The following MAP2K2 variants were observed in gnomAD, a reference collection of about 807,000 sequenced individuals.
MAP2K2 encodes the protein mitogen-activated protein kinase kinase 2.
In MAP2K2, 24 loss-of-function variants were observed where a neutral mutation model predicts 43.7. That is an observed-to-expected ratio of 0.55 (90% CI 0.40 to 0.77). The LOEUF is 0.77. Among genes scored for constraint, MAP2K2 ranks in the 30% least tolerant of loss-of-function variants. The probability of loss-of-function intolerance (pLI) is 0.00; values close to 1 mark genes in which losing one functional copy is unlikely to be tolerated. For missense variants in MAP2K2, 470 were observed against 566.8 expected (o/e 0.83, Z 1.73); for synonymous variants, 244 against 239.7 (o/e 1.02, Z -0.17).
intron 2 of MAP2K2, among the ~76,000 whole-genome samples, chr19:4,117,126 G>A (rs891076123): frequency 2.6e-5 from 4 of 152,128 alleles, no homozygotes; most frequent in African/African-American, 7.2e-5. Flanking sequence ...TAACACACTC[G>A]CATTTCTGAA....
At chr19:4,097,401 G>C in intron 7 of MAP2K2, 58 bp from the exon 8 acceptor site, 3 of 1,384,342 alleles carry the variant, frequency 2.2e-6, no homozygotes, top group Non-Finnish European at 3.1e-6. Context: ...CTTCTGCTGG[G>C]GGTTGGGCTC....
At chr19:4,105,433 T>A (rs1356982364) in intron 3 of MAP2K2, among the ~76,000 whole-genome samples, 2 of 151,992 alleles carry the variant, frequency 1.3e-5, no homozygotes, top group African/African-American at 4.8e-5. Flanking sequence ...CACACTCGGC[T>A]AATTTTTTGT....
chr19:4,112,623 C>T (rs1042582579), intron 2 of MAP2K2, among the ~76,000 whole-genome samples: 5 of 152,022 alleles, frequency 3.3e-5, no homozygotes, highest in South Asian at 2.1e-4. Context: ...TCAGGCTAAG[C>T]GTCTCCCACC....
chr19:4,091,504 C>T (rs1237104626), intron 10 of MAP2K2, among the ~76,000 whole-genome samples: 2 of 146,834 alleles, frequency 1.4e-5, no homozygotes, highest in African/African-American at 5.0e-5. Flanking sequence ...AGGCATGTGC[C>T]ACCACACCCA....
At chr19:4,117,175 G>C (rs947745239) in intron 2 of MAP2K2, among the ~76,000 whole-genome samples, 1 of 152,194 alleles carries the variant, frequency 6.6e-6, no homozygotes, top group Non-Finnish European at 1.5e-5. Flanking sequence ...TGGATTTCAA[G>C]TGCCCTCCAG....
intron 3 of MAP2K2, among the ~76,000 whole-genome samples, chr19:4,106,306 G>A (rs1487841427): frequency 6.6e-6 from 1 of 152,158 alleles, no homozygotes; most frequent in Non-Finnish European, 1.5e-5. Context: ...CTACTCGGGA[G>A]GCTGACGTGG....
Position 4,099,357 on chromosome 19 carries a change from G to A in MAP2K2, c.763C>T (p.Leu255=), listed in dbSNP as rs794727877. The A allele has an allele frequency of 6.2e-7, 1 of 1,611,920 alleles. No homozygotes were observed. The highest frequency in any genetic ancestry group is 8.5e-7 in the Non-Finnish European group (1 of 1,179,360). ...SVQSDIWSMG[L]SLVELAVGRY... ...CCGACGGCCAGCTCCACCAGGGACA[G>A]GCCCATGCTCCAGATGTCCGACTGC... Residue 255 remains leucine, a synonymous_variant, in exon 7 of 11, where the codon CTG becomes TTG. Transcript: ENST00000262948.
chr19:4,114,006 G>C (rs939319323), intron 2 of MAP2K2, among the ~76,000 whole-genome samples: 1 of 152,214 alleles, frequency 6.6e-6, no homozygotes, highest in African/African-American at 2.4e-5. Flanking sequence ...TCAAAAATTG[G>C]AAGAGAGCCG....
chr19:4,102,987 C>T (rs2041036883), intron 3 of MAP2K2: 4 of 1,073,754 alleles, frequency 3.7e-6, no homozygotes, highest in Non-Finnish European at 4.5e-6. Context: ...CCGTCCAGAC[C>T]CCCAGGGGGC....
Position 4,094,504 on chromosome 19 carries a change from G to A in MAP2K2, c.1047-6C>T, listed in dbSNP as rs774258077. 6.4e-7 allele frequency: 1 copy of A among 1,568,126 alleles called. No individual in the cohort carries two copies. The highest frequency in any genetic ancestry group is 1.2e-5 in the South Asian group (1 of 85,376). Reference sequence around the variant, plus strand: ...CCGCTGGGTTCTTGATGAGGCTGGGGGTTCCAAGAGGCAGGACCGGGAGGC... The same window carrying A: ...CCGCTGGGTTCTTGATGAGGCTGGGAGTTCCAAGAGGCAGGACCGGGAGGC... On this transcript the variant is annotated splice_polypyrimidine_tract_variant and splice_region_variant and intron_variant, in intron 9 of 10. Coordinates refer to ENST00000262948, the MANE Select transcript of MAP2K2 (RefSeq NM_030662.4).
intron 1 of MAP2K2, among the ~76,000 whole-genome samples, chr19:4,123,572 C>G (rs1474010251): frequency 1.2e-5 from 1 of 83,176 alleles, no homozygotes; most frequent in Non-Finnish European, 2.4e-5. Context: ...CCCGTCCTCC[C>G]CCGAGGGCCC....
At chr19:4,095,475 T>A (rs1445267066) in intron 8 of MAP2K2, 26 bp from the exon 9 acceptor site, 1 of 1,547,302 alleles carries the variant, frequency 6.5e-7, no homozygotes, top group Non-Finnish European at 8.7e-7. Context: ...GAGGGTGGGG[T>A]CAGCCCTGGG....
At chr19:4,092,854 T>C (rs1349660159) in intron 10 of MAP2K2, among the ~76,000 whole-genome samples, 1 of 151,862 alleles carries the variant, frequency 6.6e-6, no homozygotes, top group Non-Finnish European at 1.5e-5. Flanking sequence ...GGAGAATCAT[T>C]TGAGCCCAGG....
rs2145057464 is a variant in MAP2K2, at chr19:4,102,384, T to C, written c.520A>G (p.Ser174Gly). Residue 174 changes from serine to glycine, a missense_variant, in exon 4 of 11, where the codon AGC becomes GGC. Physicochemically the swap from Ser to Gly is moderately conservative, Grantham distance 56. Transcript: ENST00000262948. ...GTCTGCGGTGGACTCACCGCGATGC[T>C]GACTTTCCCCAGGATCTCCTCGGGA... ...RIPEEILGKV[S>G]IAVLRGLAYL... is the part of the protein sequence containing the mutation. The C allele has an allele frequency of 6.2e-7, 1 of 1,602,286 alleles. No individual in the cohort carries two copies. Among genetic ancestry groups the C allele is most frequent in the South Asian group, 1.1e-5 (1 of 88,924 alleles).
intron 3 of MAP2K2, among the ~76,000 whole-genome samples, chr19:4,107,201 G>A (rs955487031): frequency 6.6e-6 from 1 of 151,334 alleles, no homozygotes; most frequent in African/African-American, 2.4e-5. Flanking sequence ...TTCAAGATTA[G>A]CCTGGGAAAC....
chr19:4,110,685 G>C, intron 2 of MAP2K2, 30 bp from the exon 3 acceptor site: 1 of 1,600,020 alleles, frequency 6.2e-7, no homozygotes, highest in Non-Finnish European at 8.5e-7. Flanking sequence ...AGACTGGCTT[G>C]GGGGGTGCCC....
intron 10 of MAP2K2, among the ~76,000 whole-genome samples, chr19:4,092,276 G>C (rs1184181162): frequency 2.0e-5 from 3 of 152,190 alleles, no homozygotes; most frequent in Non-Finnish European, 2.9e-5. Flanking sequence ...ATACCCAACA[G>C]GGGAGCATTT....
At position 4,123,890 on chromosome 19, in the gene MAP2K2, C is replaced by CCGG. The variant is rs397517411; in HGVS notation, c.-18_-16dup. On this transcript the variant is annotated 5_prime_UTR_variant, in exon 1 of 11. Coordinates refer to ENST00000262948, the MANE Select transcript of MAP2K2 (RefSeq NM_030662.4). ...CGGGCCAGCATCGGGGCTCCGCGGG[C>CCGG]CGGCGGCGGCGGCGCCTCTAGCCGG... The CCGG allele has an allele frequency of 6.4e-6, 9 of 1,404,960 alleles. No homozygotes were observed. The highest frequency in any genetic ancestry group is 2.9e-5 in the South Asian group (2 of 68,240). The allele number at this position is 1,404,960 out of a possible 1,614,324, so 87.0% of individuals were successfully genotyped here.
Position 4,120,740 on chromosome 19 carries a change from T to TAAACA in MAP2K2, c.92+3039_92+3043dup, listed in dbSNP as rs377664021. On this transcript the variant is annotated intron_variant, in intron 1 of 10. Coordinates refer to ENST00000262948, the MANE Select transcript of MAP2K2 (RefSeq NM_030662.4). Reference sequence around the variant, plus strand: ...TTACTGGCAACCCAACTGTGGTTATTAAACAAAACAAAACAAAACCTTGGC... The same window carrying TAAACA: ...TTACTGGCAACCCAACTGTGGTTATTAAACAAAACAAAACAAAACAAAACCTTGGC... 9.7e-4 allele frequency among the ~76,000 whole-genome samples: 147 copies of TAAACA among 152,286 alleles called. 1 individual carries two copies. The highest frequency in any genetic ancestry group is 3.4e-3 in the African/African-American group (142 of 41,554).
Sources: gnomAD v4.1 joint callset for allele counts (sites outside exome capture counted in the v4.1 genomes callset) on GRCh38, gnomAD v4.1.1 for gene constraint, MANE v1.5 for transcripts, NCBI Gene and HGNC (gene_info 2026-07-23, HGNC 2026-07-21) for gene names.